PAIP2: variants seen among roughly 807,000 people sequenced by gnomAD.
PAIP2 encodes poly(A) binding protein interacting protein 2, also known as polyadenylate-binding protein-interacting protein 2.
A neutral mutation model predicts 14.8 loss-of-function variants in PAIP2; 7 were observed. That is an observed-to-expected ratio of 0.47 (90% CI 0.27 to 0.89). The LOEUF is 0.89. Ranked by LOEUF, PAIP2 falls within the 40% of genes least tolerant of loss-of-function variation. The probability of loss-of-function intolerance (pLI) is 0.13; values close to 1 mark genes in which losing one functional copy is unlikely to be tolerated. For synonymous variants in PAIP2, 47 were observed against 45.3 expected (o/e 1.04, Z -0.15); for missense variants, 122 against 154.7 (o/e 0.79, Z 1.12).
chr5:139,364,865 G>T lies in PAIP2; in HGVS notation c.318+122G>T, dbSNP rs1757168952. On this transcript the variant is annotated intron_variant, in intron 3 of 3. Transcript: ENST00000265192. The stretch of plus-strand genomic sequence containing the variant: ...CCCTTCAGAAATTGTGCTGCTTCTG[G>T]CCGGGCATGTGGCTCACGCCTGTAA... 4.4e-6 allele frequency: 3 copies of T among 682,920 alleles called. No homozygotes were observed. The Admixed American group carries it at 8.8e-5, about 20-fold the overall frequency. 42.3% of individuals were successfully genotyped at this position (682,920 alleles called of 1,614,324 possible).
In PAIP2 at chr5:139,363,802, C is replaced by T. The variant is rs1249149408; in HGVS notation, c.18C>T (p.Arg6=). ...CATCAGCCATGAAAGATCCAAGTCG[C>T]AGCAGTACTAGCCCAAGCATCATCA... MKDPS[R]SSTSPSIINE... is the part of the protein sequence containing the mutation. The change falls in exon 2 of 4, where the codon CGC becomes CGT. Residue 6 remains arginine, a synonymous_variant. Coordinates refer to ENST00000265192, the MANE Select transcript of PAIP2 (RefSeq NM_016480.5). 1 of 1,613,930 alleles carries T rather than the reference C, an allele frequency of 6.2e-7. No homozygotes were observed. Among genetic ancestry groups the T allele is most frequent in the Admixed American group, 1.7e-5 (1 of 59,976 alleles).
intron 1 of PAIP2, among the ~76,000 whole-genome samples, chr5:139,351,118 A>G (rs1057181090): frequency 6.6e-6 from 1 of 152,220 alleles, no homozygotes; most frequent in Admixed American, 6.5e-5. Context: ...AAAATAAAAT[A>G]CAATACATAT....
intron 1 of PAIP2, chr5:139,342,680 T>G (rs1756419900): frequency 6.6e-6 from 1 of 152,146 alleles, no homozygotes; most frequent in Admixed American, 6.5e-5. Flanking sequence ...CTCTTACCTT[T>G]TAATAATTTT....
At chr5:139,368,598 G>T in intron 3 of PAIP2, 135 bp from the exon 4 acceptor site, 1 of 619,942 alleles carries the variant, frequency 1.6e-6, no homozygotes, top group Non-Finnish European at 2.9e-6. Flanking sequence ...TTCCTTTTTG[G>T]GGTTTAGTAT....
chr5:139,351,083 G>A (rs888156099), intron 1 of PAIP2, among the ~76,000 whole-genome samples: 1 of 152,110 alleles, frequency 6.6e-6, no homozygotes, highest in Non-Finnish European at 1.5e-5. Context: ...GAAAACAAAT[G>A]TCATTTTTAG....
chr5:139,356,637 TGA>T (rs896675667), intron 1 of PAIP2, among the ~76,000 whole-genome samples: 1 of 151,862 alleles, frequency 6.6e-6, no homozygotes, highest in Non-Finnish European at 1.5e-5. Flanking sequence ...CCCAACACTT[TGA>T]GAGAGAGTCC....
At chr5:139,351,980 A>G (rs1485659037) in intron 1 of PAIP2, among the ~76,000 whole-genome samples, 1 of 152,180 alleles carries the variant, frequency 6.6e-6, no homozygotes, top group Non-Finnish European at 1.5e-5. Context: ...CCTGCTGTCC[A>G]AAAATTTTCA....
chr5:139,348,859 G>A (rs1204812234), intron 1 of PAIP2, among the ~76,000 whole-genome samples: 1 of 151,112 alleles, frequency 6.6e-6, no homozygotes, highest in South Asian at 2.1e-4. Flanking sequence ...TGTATTTTTA[G>A]TAGAGACGGT....
intron 1 of PAIP2, 96 bp from the exon 2 acceptor site, chr5:139,363,663 A>G (rs1253345184): frequency 2.8e-6 from 3 of 1,066,024 alleles, no homozygotes; most frequent in African/African-American, 3.2e-5. Flanking sequence ...TGATCACACC[A>G]TTGCACTCCA....
At chr5:139,368,705 CT>C in intron 3 of PAIP2, 27 bp from the exon 4 acceptor site, 1 of 1,539,714 alleles carries the variant, frequency 6.5e-7, no homozygotes, top group Non-Finnish European at 9.0e-7. Context: ...TGTTAATGAA[CT>C]TGCTTTTTTA....
chr5:139,352,499 G>GT (rs1561959065), intron 1 of PAIP2, among the ~76,000 whole-genome samples: 1 of 128,962 alleles, frequency 7.8e-6, no homozygotes, highest in Non-Finnish European at 1.6e-5. Flanking sequence ...TTTTTTTTTT[G>GT]TTGTTTTTTT....
intron 1 of PAIP2, among the ~76,000 whole-genome samples, chr5:139,351,709 G>A (rs1756740309): frequency 6.6e-6 from 1 of 151,766 alleles, no homozygotes; most frequent in African/African-American, 2.4e-5. Flanking sequence ...TGAGAGATGG[G>A]GTCTTGCTGT....
intron 1 of PAIP2, among the ~76,000 whole-genome samples, chr5:139,362,132 T>C (rs974936515): frequency 6.6e-6 from 1 of 152,146 alleles, no homozygotes; most frequent in Non-Finnish European, 1.5e-5. Flanking sequence ...CCCTGGACTT[T>C]TTGAAGTCAG....
Position 139,346,698 on chromosome 5 carries a change from A to ATTTT in PAIP2, c.-27+4720_-27+4723dup, listed in dbSNP as rs1756562128. Among the ~76,000 whole-genome samples, 3 of 147,936 alleles carry ATTTT rather than the reference A, an allele frequency of 2.0e-5. No homozygotes were observed. The South Asian group carries it at 6.4e-4, about 31-fold the overall frequency. ...AAGCGTGCACCTCCATGTCCAGCTA[A>ATTTT]TTTTTGCATTTTTAGAGACGGGGTT... On this transcript the variant is annotated intron_variant, in intron 1 of 3. Transcript: ENST00000265192.
chr5:139,365,535 G>T (rs573791584), intron 3 of PAIP2, among the ~76,000 whole-genome samples: 1 of 151,596 alleles, frequency 6.6e-6, no homozygotes, highest in Non-Finnish European at 1.5e-5. Flanking sequence ...ACATGGTGGC[G>T]GGCGCCTGTA....
chr5:139,352,503 T>TTTTTTTTTTTTGTTTTTTTTTTTTTG (rs1581302085), intron 1 of PAIP2, among the ~76,000 whole-genome samples: 1 of 124,462 alleles, frequency 8.0e-6, no homozygotes, highest in Non-Finnish European at 1.7e-5. Flanking sequence ...TTTTTTGTTG[T>TTTTTTTTTTTTGTTTTTTTTTTTTTG]TTTTTTTTTT....
chr5:139,364,831 A>G (rs1581322658), intron 3 of PAIP2, 88 bp downstream of exon 3: 4 of 840,726 alleles, frequency 4.8e-6, no homozygotes, highest in East Asian at 5.1e-5. Context: ...AGAATTCTAC[A>G]TCTCTTTCCC....
At chr5:139,367,072 A>G (rs1397803310) in intron 3 of PAIP2, 1 of 152,204 alleles carries the variant, frequency 6.6e-6, no homozygotes, top group African/African-American at 2.4e-5. Context: ...AAAAAGAGAA[A>G]AGGAATGCTG....
intron 1 of PAIP2, among the ~76,000 whole-genome samples, chr5:139,344,831 C>T (rs1441666125): frequency 6.6e-6 from 1 of 152,016 alleles, no homozygotes; most frequent in African/African-American, 2.4e-5. Context: ...CTAATTTTTA[C>T]CTTGTCCCTT....
Sources: allele counts gnomAD v4.1 joint callset (sites outside exome capture counted in the v4.1 genomes callset), GRCh38; gene constraint gnomAD v4.1.1; transcripts MANE v1.5; gene names NCBI Gene and HGNC (gene_info 2026-07-23, HGNC 2026-07-21).